The following MPPED2 variants were observed in gnomAD, a reference collection of about 807,000 sequenced individuals.
MPPED2 encodes the protein metallophosphoesterase MPPED2.
MPPED2 carries 5 observed loss-of-function variants against 33.0 expected under a neutral mutation model. That is an observed-to-expected ratio of 0.15 (90% CI 0.08 to 0.32). The LOEUF is 0.32. Ranked by LOEUF, MPPED2 falls within the 10% of genes least tolerant of loss-of-function variation. MPPED2 has a pLI of 1.00. For synonymous variants in MPPED2, 136 were observed against 141.9 expected (o/e 0.96, Z 0.29); for missense variants, 275 against 372.1 (o/e 0.74, Z 2.15).
rs183816239 is a variant in MPPED2 at position 30,411,291 on chromosome 11, G to T, written c.*177C>A. ...CACAATGTTCCTCTGATTTCAAATGGATGCCCCATTTAAAATAAAATAAAA... is the reference window on the plus strand; with the variant it reads ...CACAATGTTCCTCTGATTTCAAATGTATGCCCCATTTAAAATAAAATAAAA... On this transcript the variant is annotated 3_prime_UTR_variant, in exon 7 of 7. Transcript: ENST00000358117. 4.0e-5 allele frequency: 50 copies of T among 1,251,074 alleles called. No individual in the cohort carries two copies. The Admixed American group carries it at 9.7e-4, about 24-fold the overall frequency. 77.5% of individuals were successfully genotyped at this position (1,251,074 alleles called of 1,614,324 possible).
intron 4 of MPPED2, among the ~76,000 whole-genome samples, chr11:30,453,793 T>A (rs1950165543): frequency 6.6e-6 from 1 of 152,240 alleles, no homozygotes; most frequent in African/African-American, 2.4e-5. Context: ...TATGTCTAAC[T>A]TGATTACTCT....
intron 2 of MPPED2, among the ~76,000 whole-genome samples, chr11:30,573,444 A>G (rs1956792440): frequency 6.6e-6 from 1 of 152,218 alleles, no homozygotes; most frequent in Non-Finnish European, 1.5e-5. Context: ...TTAAAAAAAC[A>G]AAAACAAAGT....
chr11:30,445,936 G>A (rs1330772277), intron 4 of MPPED2, among the ~76,000 whole-genome samples: 1 of 152,204 alleles, frequency 6.6e-6, no homozygotes, highest in Non-Finnish European at 1.5e-5. Flanking sequence ...ATCCGTTCAA[G>A]TTCATGCAGT....
chr11:30,495,178 C>T (rs746723802), intron 4 of MPPED2, 118 bp downstream of exon 4: 2 of 713,328 alleles, frequency 2.8e-6, no homozygotes, highest in Non-Finnish European at 2.4e-6. Flanking sequence ...GTTGGAAATA[C>T]AGCAATAAGG....
rs562177024 is a variant in MPPED2, at chr11:30,413,062, C to T, written c.766+1166G>A. 5.3e-5 allele frequency among the ~76,000 whole-genome samples: 8 copies of T among 152,226 alleles called. No individual in the cohort carries two copies. In the South Asian group the frequency reaches 1.0e-3, roughly 20 times the overall value. ...AGCATAGCTCAAAGCCAGGGCAGGC[C>T]GATATCCACTCTCTGGGAGCTGCAC... On this transcript the variant is annotated intron_variant, in intron 6 of 6. Transcript: ENST00000358117.
intron 4 of MPPED2, among the ~76,000 whole-genome samples, chr11:30,473,843 C>G (rs927782151): frequency 1.7e-4 from 26 of 152,154 alleles, no homozygotes; most frequent in African/African-American, 6.0e-4. Flanking sequence ...CCCAGAAAAC[C>G]ATGAGAAACT....
chr11:30,461,781 A>C (rs1950526811), intron 4 of MPPED2, among the ~76,000 whole-genome samples: 1 of 152,368 alleles, frequency 6.6e-6, no homozygotes, highest in African/African-American at 2.4e-5. Flanking sequence ...CAGATATTTA[A>C]GCAAAATTCA....
intron 2 of MPPED2, among the ~76,000 whole-genome samples, chr11:30,578,670 A>G (rs551473297): frequency 1.5e-3 from 226 of 152,320 alleles, no homozygotes; most frequent in African/African-American, 5.3e-3. Flanking sequence ...GCTTGAATGG[A>G]AACAGCATCT....
At chr11:30,508,340 C>T (rs61884730) in intron 3 of MPPED2, among the ~76,000 whole-genome samples, 26,531 of 152,080 alleles carry the variant, frequency 0.17, 2,894 homozygotes, top group Non-Finnish European at 0.24. Flanking sequence ...ATGCATACTA[C>T]ATTTGCCTTA....
At chr11:30,420,376 A>G (rs1177250107) in intron 4 of MPPED2, among the ~76,000 whole-genome samples, 1 of 152,226 alleles carries the variant, frequency 6.6e-6, no homozygotes, top group Admixed American at 6.5e-5. Flanking sequence ...GAGCCTCCAA[A>G]AAAATGCAGC....
At chr11:30,441,468 C>T (rs1406212924) in intron 4 of MPPED2, 2 of 152,190 alleles carry the variant, frequency 1.3e-5, no homozygotes, top group East Asian at 1.9e-4. Context: ...ACGTCTGCCA[C>T]AATCCCCTTC....
At chr11:30,520,202 C>T (rs1953779754) in intron 3 of MPPED2, among the ~76,000 whole-genome samples, 4 of 151,926 alleles carry the variant, frequency 2.6e-5, no homozygotes, top group Non-Finnish European at 5.9e-5. Context: ...ATTTGAACAG[C>T]TAAAAAAAAT....
chr11:30,454,468 C>A (rs898739239), intron 4 of MPPED2, among the ~76,000 whole-genome samples: 5 of 151,736 alleles, frequency 3.3e-5, no homozygotes, highest in Admixed American at 3.3e-4. Flanking sequence ...AAAAAAATCA[C>A]CAGAGGAAAA....
At chr11:30,504,064 G>A (rs546405249) in intron 3 of MPPED2, among the ~76,000 whole-genome samples, 6 of 152,298 alleles carry the variant, frequency 3.9e-5, no homozygotes, top group African/African-American at 1.4e-4. Flanking sequence ...TCTGAAACCT[G>A]CCTGCAATGG....
chr11:30,421,162 G>A (rs1216120393), intron 4 of MPPED2, among the ~76,000 whole-genome samples: 1 of 152,162 alleles, frequency 6.6e-6, no homozygotes, highest in Non-Finnish European at 1.5e-5. Context: ...GAACCCACAG[G>A]ACACCCAGGG....
chr11:30,410,426 A>G lies in MPPED2; in HGVS notation c.*1042T>C. 1.0e-6 allele frequency: 1 copy of G among 983,222 alleles called. No individual in the cohort carries two copies. The highest frequency in any genetic ancestry group is 1.2e-6 in the Non-Finnish European group (1 of 828,622). The allele number at this position is 983,222 out of a possible 1,614,324, so 60.9% of individuals were successfully genotyped here. ...GCTAGCGAAGATTGCATCGACACACAGTGCAAAATGGGAGAGGGGAGAGGA... is the reference window on the plus strand; with the variant it reads ...GCTAGCGAAGATTGCATCGACACACGGTGCAAAATGGGAGAGGGGAGAGGA... On this transcript the variant is annotated 3_prime_UTR_variant, in exon 7 of 7. Coordinates refer to ENST00000358117, the MANE Select transcript of MPPED2 (RefSeq NM_001584.3).
intron 2 of MPPED2, among the ~76,000 whole-genome samples, chr11:30,572,348 G>A (rs1201696650): frequency 1.3e-5 from 2 of 152,090 alleles, no homozygotes; most frequent in Non-Finnish European, 2.9e-5. Context: ...TAGGGAAAAA[G>A]TCAGCTCTAA....
At chr11:30,386,652 G>A in exon 7 of MPPED2, 1 of 398,336 alleles carries the variant, frequency 2.5e-6, no homozygotes, top group Middle Eastern at 6.3e-4. Context: ...TTCAGAATTT[G>A]GATCCCAAAT....
chr11:30,397,931 T>C (rs938217589), intron 6 of MPPED2, among the ~76,000 whole-genome samples: 2 of 152,144 alleles, frequency 1.3e-5, no homozygotes, highest in Non-Finnish European at 2.9e-5. Flanking sequence ...AATCAGTCTA[T>C]TATGGGTCTT....
Sources: gnomAD v4.1 joint callset for allele counts (sites outside exome capture counted in the v4.1 genomes callset) on GRCh38, gnomAD v4.1.1 for gene constraint, MANE v1.5 for transcripts, NCBI Gene and HGNC (gene_info 2026-07-23, HGNC 2026-07-21) for gene names.